LRRTM4: variants seen among roughly 807,000 people sequenced by gnomAD.
LRRTM4 encodes leucine-rich repeat transmembrane neuronal protein 4.
In LRRTM4, 25 loss-of-function variants were observed where a neutral mutation model predicts 47.6. The ratio of observed to expected loss-of-function variants is 0.53; its 90% confidence interval spans 0.38 to 0.73. LRRTM4 has a LOEUF of 0.73. Ranked by LOEUF, LRRTM4 falls within the 30% of genes least tolerant of loss-of-function variation. LRRTM4 has a pLI of 0.00. For synonymous variants in LRRTM4, 311 were observed against 269.5 expected, an observed-to-expected ratio of 1.15 and a Z score of -1.51; for missense variants, 638 against 713.4, an observed-to-expected ratio of 0.89 and a Z score of 1.20.
At chr2:76,779,310 T>G (rs1265814889) in intron 3 of LRRTM4, among the ~76,000 whole-genome samples, 1 of 150,640 alleles carries the variant, frequency 6.6e-6, no homozygotes, top group African/African-American at 2.4e-5. Flanking sequence ...AATTCCTGGG[T>G]ATCCTTGTTG....
intron 3 of LRRTM4, among the ~76,000 whole-genome samples, chr2:77,485,473 G>A (rs1298592544): frequency 6.6e-6 from 1 of 152,140 alleles, no homozygotes; most frequent in Non-Finnish European, 1.5e-5. Flanking sequence ...TATAGTTGTG[G>A]ACCAATGGTC....
intron 3 of LRRTM4, among the ~76,000 whole-genome samples, chr2:76,798,553 G>C (rs1292141490): frequency 6.7e-6 from 1 of 150,184 alleles, no homozygotes; most frequent in African/African-American, 2.5e-5. Context: ...AGAAAAGCAA[G>C]AGCAAACACA....
At chr2:77,058,606 T>C (rs1047622232) in intron 3 of LRRTM4, among the ~76,000 whole-genome samples, 2 of 152,104 alleles carry the variant, frequency 1.3e-5, no homozygotes, top group Non-Finnish European at 2.9e-5. Context: ...ATAATCATCA[T>C]TGTATTCCCA....
chr2:76,962,712 G>A (rs934520833), intron 3 of LRRTM4, among the ~76,000 whole-genome samples: 1 of 150,314 alleles, frequency 6.7e-6, no homozygotes, highest in Non-Finnish European at 1.5e-5. Flanking sequence ...ATAAAATACT[G>A]TTTTAAAAAT....
At chr2:77,401,862 A>G (rs1416294106) in intron 3 of LRRTM4, among the ~76,000 whole-genome samples, 1 of 152,022 alleles carries the variant, frequency 6.6e-6, no homozygotes, top group Non-Finnish European at 1.5e-5. Flanking sequence ...AATTTGAGCT[A>G]TAATGCTAGA....
intron 3 of LRRTM4, among the ~76,000 whole-genome samples, chr2:77,369,677 A>T (rs975750602): frequency 1.3e-5 from 2 of 151,826 alleles, no homozygotes; most frequent in East Asian, 3.9e-4. Context: ...AGGCAATTTC[A>T]TCTTTCTGTA....
Position 77,175,214 on chromosome 2 carries a change from T to G in LRRTM4, c.1551+343104A>C, listed in dbSNP as rs1197202879. On this transcript the variant is annotated intron_variant, in intron 3 of 3. Transcript: ENST00000409884. The stretch of plus-strand genomic sequence containing the variant: ...CCTCCAGAATAGCTAGGATTACAGG[T>G]GTGCACCACCACTGTTGGGAAAAGC... Among the ~76,000 whole-genome samples, 4 of 151,646 alleles carry G rather than the reference T, an allele frequency of 2.6e-5. No homozygotes were observed. In the East Asian group the frequency reaches 7.8e-4, roughly 30 times the overall value.
intron 3 of LRRTM4, among the ~76,000 whole-genome samples, chr2:76,916,384 C>CAAAAAAAAAAAAAAAAAAAAAA (rs57874749): frequency 2.6e-4 from 14 of 53,506 alleles, no homozygotes; most frequent in African/African-American, 8.8e-4. Flanking sequence ...GACTGTGTCT[C>CAAAAAAAAAAAAAAAAAAAAAA]AAAAAAAAAA....
intron 3 of LRRTM4, among the ~76,000 whole-genome samples, chr2:76,921,903 T>C (rs560237248): frequency 6.6e-6 from 1 of 152,226 alleles, no homozygotes; most frequent in Admixed American, 6.6e-5. Context: ...GTTCTGTGTG[T>C]ATATCCAAGG....
At chr2:77,095,248 A>G (rs1322300318) in intron 3 of LRRTM4, among the ~76,000 whole-genome samples, 3 of 152,190 alleles carry the variant, frequency 2.0e-5, no homozygotes, top group Non-Finnish European at 2.9e-5. Flanking sequence ...TATCAAAAAG[A>G]CAAATGATAG....
At chr2:77,263,727 C>T (rs959141917) in intron 3 of LRRTM4, among the ~76,000 whole-genome samples, 1 of 152,054 alleles carries the variant, frequency 6.6e-6, no homozygotes, top group Non-Finnish European at 1.5e-5. Flanking sequence ...TCTTCTTAAT[C>T]CCCTGGCTAA....
chr2:77,252,762 T>A (rs968771011), intron 3 of LRRTM4, among the ~76,000 whole-genome samples: 1 of 152,016 alleles, frequency 6.6e-6, no homozygotes. Context: ...GCCTCTGAGA[T>A]GGGGACATTC....
intron 3 of LRRTM4, among the ~76,000 whole-genome samples, chr2:77,119,880 C>T (rs1411395160): frequency 1.3e-5 from 2 of 151,724 alleles, no homozygotes; most frequent in Non-Finnish European, 3.0e-5. Flanking sequence ...GTTAATTGGT[C>T]TAGGATGTAT....
chr2:76,981,230 A>C (rs1417624021), intron 3 of LRRTM4, among the ~76,000 whole-genome samples: 1 of 152,140 alleles, frequency 6.6e-6, no homozygotes, highest in East Asian at 1.9e-4. Flanking sequence ...CGGACATGTG[A>C]CTATAAAATT....
chr2:77,298,338 G>C (rs765456446), intron 3 of LRRTM4, among the ~76,000 whole-genome samples: 3 of 152,128 alleles, frequency 2.0e-5, no homozygotes, highest in Non-Finnish European at 2.9e-5. Context: ...CCGGGTTCAC[G>C]CCATTCTCCT....
At chr2:77,071,840 C>G (rs1680164072) in intron 3 of LRRTM4, among the ~76,000 whole-genome samples, 1 of 152,038 alleles carries the variant, frequency 6.6e-6, no homozygotes, top group Admixed American at 6.6e-5. Context: ...GATCCAAAAC[C>G]CAGCATTTGT....
chr2:76,821,180 T>A (rs1671043918), intron 3 of LRRTM4, among the ~76,000 whole-genome samples: 1 of 151,632 alleles, frequency 6.6e-6, no homozygotes. Flanking sequence ...ATGTGGCATA[T>A]AATGTGTGAT....
At chr2:77,089,536 C>T (rs1680856960) in intron 3 of LRRTM4, among the ~76,000 whole-genome samples, 1 of 151,968 alleles carries the variant, frequency 6.6e-6, no homozygotes, top group Admixed American at 6.6e-5. Context: ...TCTCTGTGCC[C>T]CAACCCCTTT....
At chr2:77,297,103 T>C (rs185405092) in intron 3 of LRRTM4, among the ~76,000 whole-genome samples, 4 of 152,292 alleles carry the variant, frequency 2.6e-5, no homozygotes, top group Admixed American at 1.3e-4. Context: ...TTTGTTGTTA[T>C]TGTTTTTTTG....
Sources: gnomAD v4.1 joint callset for allele counts (sites outside exome capture counted in the v4.1 genomes callset) on GRCh38, gnomAD v4.1.1 for gene constraint, MANE v1.5 for transcripts, NCBI Gene and HGNC (gene_info 2026-07-23, HGNC 2026-07-21) for gene names.